SARDH: variants seen among roughly 807,000 people sequenced by gnomAD.
SARDH encodes the protein sarcosine dehydrogenase.
A neutral mutation model predicts 109.1 loss-of-function variants in SARDH; 95 were observed. That is an observed-to-expected ratio of 0.87 (90% CI 0.74 to 1.03). The LOEUF is 1.03. Among genes scored for constraint, SARDH ranks in the 50% least tolerant of loss-of-function variants. The pLI, the probability that SARDH is intolerant of heterozygous loss-of-function variation, is 0.00. For synonymous variants in SARDH, 572 were observed against 534.8 expected (o/e 1.07, Z -0.96); for missense variants, 1,267 against 1,287.8 (o/e 0.98, Z 0.25).
chr9:133,698,082 A>AAGGTCAATATAT (rs1257205270), intron 13 of SARDH, among the ~76,000 whole-genome samples: 1 of 151,902 alleles, frequency 6.6e-6, no homozygotes, highest in African/African-American at 2.4e-5. Flanking sequence ...TGCAGGATAC[A>AAGGTCAATATAT]AGGTCAATAT....
downstream of SARDH, among the ~76,000 whole-genome samples, chr9:133,660,891 ATTAATT>A (rs1448220434): frequency 2.0e-5 from 3 of 152,200 alleles, no homozygotes; most frequent in Admixed American, 2.0e-4. Flanking sequence ...GCTACTTACG[ATTAATT>A]TTAAATTAAT....
At chr9:133,701,548 C>T (rs1454994860) in intron 13 of SARDH, among the ~76,000 whole-genome samples, 6 of 152,248 alleles carry the variant, frequency 3.9e-5, no homozygotes, top group Non-Finnish European at 8.8e-5. Context: ...TTTGCGGAGG[C>T]CGGATGAAGC....
intron 16 of SARDH, among the ~76,000 whole-genome samples, chr9:133,689,382 C>T (rs1831010162): frequency 6.6e-6 from 1 of 152,098 alleles, no homozygotes; most frequent in Non-Finnish European, 1.5e-5. Context: ...GGAAGCACAC[C>T]GAGATGAGTG....
At position 133,733,904 on chromosome 9, in the gene SARDH, C is replaced by G. The variant is rs147006467; in HGVS notation, c.270G>C (p.Met90Ile). 2.8e-4 allele frequency: 433 copies of G among 1,547,882 alleles called. 2 individuals are homozygous for G. In the African/African-American group the frequency reaches 5.6e-3, roughly 20 times the overall value. ...QTLYHLAKLGMSGAVLLERER... is the reference protein window; with the variant it reads ...QTLYHLAKLGISGAVLLERER... ...CCCGCTCCAGCAGCACCGCCCCACT[C>G]ATGCCCAGCTTGGCCAGGTGGTACA... Residue 90 changes from methionine to isoleucine, a missense_variant, in exon 2 of 21, where the codon ATG becomes ATC. Met to Ile is a conservative substitution (Grantham distance 10). Coordinates refer to ENST00000439388, the MANE Select transcript of SARDH (RefSeq NM_001134707.2).
chr9:133,672,012 C>T (rs1047378190), intron 17 of SARDH, among the ~76,000 whole-genome samples: 1 of 152,220 alleles, frequency 6.6e-6, no homozygotes, highest in Non-Finnish European at 1.5e-5. Flanking sequence ...CAACTGGTGG[C>T]TTAAAACAAT....
At chr9:133,730,956 G>C (rs990266423) in intron 4 of SARDH, among the ~76,000 whole-genome samples, 1 of 152,170 alleles carries the variant, frequency 6.6e-6, no homozygotes, top group African/African-American at 2.4e-5. Context: ...CAGCCTGGGC[G>C]ACAGAGCGAG....
intron 17 of SARDH, among the ~76,000 whole-genome samples, chr9:133,678,125 C>T (rs1383460541): frequency 6.6e-6 from 1 of 152,232 alleles, no homozygotes; most frequent in Non-Finnish European, 1.5e-5. Flanking sequence ...TCCATTCAGG[C>T]CACTTAGGTG....
chr9:133,732,748 G>A, intron 2 of SARDH, 147 bp from the exon 3 acceptor site: 1 of 894,560 alleles, frequency 1.1e-6, no homozygotes, highest in Non-Finnish European at 1.6e-6. Context: ...GGCCTGGAGA[G>A]GTTGTTGAGC....
At chr9:133,729,543 G>A (rs945044580) in intron 6 of SARDH, among the ~76,000 whole-genome samples, 1 of 152,190 alleles carries the variant, frequency 6.6e-6, no homozygotes, top group Non-Finnish European at 1.5e-5. Flanking sequence ...TGAGGAACAA[G>A]GGGGTCAGCC....
chr9:133,708,484 C>A, intron 10 of SARDH, 56 bp from the exon 11 acceptor site: 2 of 1,563,634 alleles, frequency 1.3e-6, no homozygotes, highest in South Asian at 1.2e-5. Context: ...CAGGGAAGGG[C>A]TAGCCTAGGA....
In SARDH at chr9:133,671,680, C is replaced by A; in HGVS notation, c.2181G>T (p.Leu727=). ...AAGHLVRAMR[L]SFVGELGWEL... is the part of the protein sequence containing the mutation. ...CCCAGCCCAGCTCCCCCACAAAGGA[C>A]AGCCGCATGGCTCGGACCTGGGGGA... The change falls in exon 18 of 21, where the codon CTG becomes CTT. Residue 727 remains leucine, a synonymous_variant. Coordinates refer to ENST00000439388, the MANE Select transcript of SARDH (RefSeq NM_001134707.2). The A allele has an allele frequency of 6.3e-7, 1 of 1,580,652 alleles. No homozygotes were observed. The highest frequency in any genetic ancestry group is 1.2e-5 in the South Asian group (1 of 86,702).
chr9:133,679,564 C>T (rs1830626375), intron 17 of SARDH, among the ~76,000 whole-genome samples: 2 of 152,310 alleles, frequency 1.3e-5, no homozygotes, highest in South Asian at 2.1e-4. Flanking sequence ...CGTGTCTGGC[C>T]GAGCGGAGCT....
chr9:133,698,731 AACGTGGCTGG>A (rs1274147799), intron 13 of SARDH, among the ~76,000 whole-genome samples: 1 of 152,240 alleles, frequency 6.6e-6, no homozygotes, highest in Non-Finnish European at 1.5e-5. Context: ...CATGCAAAAG[AACGTGGCTGG>A]ACCCGACCTC....
chr9:133,731,043 A>G (rs1005028143), intron 4 of SARDH, among the ~76,000 whole-genome samples: 4 of 152,228 alleles, frequency 2.6e-5, no homozygotes, highest in African/African-American at 9.6e-5. Context: ...GATACAAATT[A>G]TAAGAAGGGC....
At chr9:133,717,273 A>G (rs28395318) in intron 8 of SARDH, 53 bp downstream of exon 8, 361,388 of 1,603,934 alleles carry the variant, frequency 0.23, 41,414 homozygotes, top group Middle Eastern at 0.27. Context: ...ACTAACAGTC[A>G]TCAGACCAAA....
At chr9:133,737,988 C>T (rs75882255) in intron 1 of SARDH, among the ~76,000 whole-genome samples, 1 of 152,232 alleles carries the variant, frequency 6.6e-6, no homozygotes, top group Non-Finnish European at 1.5e-5. Flanking sequence ...ACGCCCTCCT[C>T]CTCCCAGGCT....
chr9:133,708,568 C>T, intron 10 of SARDH, 140 bp from the exon 11 acceptor site: 3 of 1,122,196 alleles, frequency 2.7e-6, no homozygotes, highest in South Asian at 3.5e-5. Flanking sequence ...GGGCCCCTGA[C>T]TCTCCATTCG....
At chr9:133,679,297 G>A (rs1039112397) in intron 17 of SARDH, among the ~76,000 whole-genome samples, 2 of 152,230 alleles carry the variant, frequency 1.3e-5, no homozygotes, top group African/African-American at 4.8e-5. Flanking sequence ...GCAGTGGCTG[G>A]AACTCAGCTG....
At position 133,704,994 on chromosome 9, in the gene SARDH, T is replaced by C. The variant is rs933459678; in HGVS notation, c.1508A>G (p.His503Arg). The change falls in exon 12 of 21, where the codon CAT becomes CGT. Residue 503 changes from histidine (H) to arginine (R), a missense_variant. His to Arg is a conservative substitution (Grantham distance 29). Coordinates refer to ENST00000439388, the MANE Select transcript of SARDH (RefSeq NM_001134707.2). The surrounding 1 kb of genome is among the most constrained non-coding windows in gnomAD (Gnocchi z 4.5). ...LGQGCVFQERHGWERPGWFHP... is the reference protein window; with the variant it reads ...LGQGCVFQERRGWERPGWFHP... ...AAACCATCCCGGTCGCTCCCAGCCA[T>C]GCCGCTCCTGGAACACGCAGCCTTG... is the stretch of plus-strand genomic sequence containing the variant. 6.3e-7 allele frequency: 1 copy of C among 1,590,978 alleles called. No homozygotes were observed. The highest frequency in any genetic ancestry group is 1.3e-5 in the African/African-American group (1 of 74,746).
Sources: allele counts gnomAD v4.1 joint callset (sites outside exome capture counted in the v4.1 genomes callset), GRCh38; gene constraint gnomAD v4.1.1; non-coding constraint Gnocchi (gnomAD v3.1); transcripts MANE v1.5; gene names NCBI Gene and HGNC (gene_info 2026-07-23, HGNC 2026-07-21).